Variants in SMARCC1 observed in about 807,000 individuals in gnomAD.
SMARCC1 encodes SWI/SNF related BAF chromatin remodeling complex subunit C1.
In SMARCC1, 43 loss-of-function variants were observed where a neutral mutation model predicts 147.4. The ratio of observed to expected loss-of-function variants is 0.29; its 90% confidence interval spans 0.23 to 0.38. The LOEUF is 0.38. Ranked by LOEUF, SMARCC1 falls within the 10% of genes least tolerant of loss-of-function variation. SMARCC1 has a pLI of 1.00. For missense variants in SMARCC1, 1,119 were observed against 1,381.1 expected, an observed-to-expected ratio of 0.81 and a Z score of 3.01; for synonymous variants, 495 against 484.4, an observed-to-expected ratio of 1.02 and a Z score of -0.29.
intron 21 of SMARCC1, among the ~76,000 whole-genome samples, chr3:47,656,363 T>C (rs1414425744): frequency 6.6e-6 from 1 of 152,216 alleles, no homozygotes; most frequent in Non-Finnish European, 1.5e-5. Context: ...TCTAACATCA[T>C]AAAACAGCAC....
chr3:47,602,820 A>G (rs2032409926), intron 26 of SMARCC1, among the ~76,000 whole-genome samples: 1 of 152,226 alleles, frequency 6.6e-6, no homozygotes, highest in East Asian at 1.9e-4. Flanking sequence ...AAGATCCATG[A>G]GGCAGGAATG....
intron 7 of SMARCC1, 70 bp from the exon 8 acceptor site, chr3:47,714,560 T>G (rs2034132216): frequency 1.3e-6 from 1 of 789,580 alleles, no homozygotes; most frequent in Non-Finnish European, 2.1e-6. Context: ...CTTTTACAAA[T>G]AATAAGAACA....
At chr3:47,630,450 T>C (rs933709630) in intron 24 of SMARCC1, among the ~76,000 whole-genome samples, 3 of 152,226 alleles carry the variant, frequency 2.0e-5, no homozygotes, top group Admixed American at 6.5e-5. Flanking sequence ...ATATGGAACA[T>C]AGGAGAAACA....
intron 21 of SMARCC1, among the ~76,000 whole-genome samples, chr3:47,654,554 C>A (rs1206816102): frequency 6.6e-6 from 1 of 152,204 alleles, no homozygotes; most frequent in Non-Finnish European, 1.5e-5. Context: ...AAAAGCCTAT[C>A]TGAAACTAGA....
At chr3:47,756,364 T>C (rs1041943960) in intron 2 of SMARCC1, among the ~76,000 whole-genome samples, 1 of 150,984 alleles carries the variant, frequency 6.6e-6, no homozygotes, top group Non-Finnish European at 1.5e-5. Flanking sequence ...AGAAACCCCG[T>C]CTCTACTAAA....
At chr3:47,658,934 A>G (rs916885165) in intron 21 of SMARCC1, among the ~76,000 whole-genome samples, 10 of 152,080 alleles carry the variant, frequency 6.6e-5, no homozygotes, top group African/African-American at 2.4e-4. Context: ...CCTGGCCAAC[A>G]CAGTGAAACC....
chr3:47,689,008 G>A (rs1156600176), intron 13 of SMARCC1, among the ~76,000 whole-genome samples: 1 of 151,806 alleles, frequency 6.6e-6, no homozygotes, highest in African/African-American at 2.4e-5. Context: ...CCAGGAGTTC[G>A]CAACCAGCCT....
chr3:47,661,995 CTT>C (rs11336122), intron 20 of SMARCC1, among the ~76,000 whole-genome samples: 178 of 142,384 alleles, frequency 1.3e-3, no homozygotes, highest in Non-Finnish European at 1.1e-3. Context: ...TTTTGTAATA[CTT>C]TTTTTTTTTT....
chr3:47,595,842 C>T (rs927226801), intron 26 of SMARCC1, among the ~76,000 whole-genome samples: 3 of 150,942 alleles, frequency 2.0e-5, no homozygotes, highest in African/African-American at 4.9e-5. Context: ...TCAGGTGAGT[C>T]TCCTGCCTCA....
intron 6 of SMARCC1, 21 bp from the exon 7 acceptor site, chr3:47,720,756 ACT>A: frequency 1.3e-6 from 2 of 1,538,250 alleles, no homozygotes; most frequent in South Asian, 2.3e-5. Flanking sequence ...AAAAGAAACA[ACT>A]TTACTCAAAC....
intron 2 of SMARCC1, among the ~76,000 whole-genome samples, chr3:47,763,574 C>T (rs1420229253): frequency 6.6e-6 from 1 of 151,816 alleles, no homozygotes; most frequent in African/African-American, 2.4e-5. Flanking sequence ...CTCAGAGGAC[C>T]CACTCACCTA....
At chr3:47,651,442 A>C (rs1463936127) in intron 21 of SMARCC1, among the ~76,000 whole-genome samples, 1 of 152,170 alleles carries the variant, frequency 6.6e-6, no homozygotes, top group Non-Finnish European at 1.5e-5. Context: ...CTCCCCCACC[A>C]ATCGAGCTAT....
At chr3:47,692,359 T>C (rs2033800582) in intron 12 of SMARCC1, among the ~76,000 whole-genome samples, 1 of 152,238 alleles carries the variant, frequency 6.6e-6, no homozygotes, top group African/African-American at 2.4e-5. Flanking sequence ...AAGGATGATG[T>C]CATTCTCATT....
chr3:47,765,187 G>A (rs892865444), intron 2 of SMARCC1, among the ~76,000 whole-genome samples: 3 of 151,998 alleles, frequency 2.0e-5, no homozygotes, highest in African/African-American at 7.2e-5. Context: ...GGAGGCAGAG[G>A]TTGCAGTAAG....
intron 21 of SMARCC1, among the ~76,000 whole-genome samples, chr3:47,659,760 A>G (rs868727879): frequency 2.6e-3 from 123 of 47,762 alleles, no homozygotes; most frequent in Middle Eastern, 0.016. Context: ...GAAAAAAAAA[A>G]GGGGGGGGGG....
At chr3:47,746,132 C>CTGAGGA (rs1322223666) in intron 2 of SMARCC1, 139 bp from the exon 3 acceptor site, 1 of 554,132 alleles carries the variant, frequency 1.8e-6, no homozygotes, top group Non-Finnish European at 3.1e-6. Context: ...CTTGAATAAA[C>CTGAGGA]TGAGGAATCA....
At chr3:47,772,609 G>A (rs1226124013) in intron 2 of SMARCC1, among the ~76,000 whole-genome samples, 1 of 152,068 alleles carries the variant, frequency 6.6e-6, no homozygotes, top group East Asian at 1.9e-4. Flanking sequence ...AATGACTGCT[G>A]CAATATTTAA....
At chr3:47,751,300 T>C (rs1481353004) in intron 2 of SMARCC1, among the ~76,000 whole-genome samples, 1 of 151,998 alleles carries the variant, frequency 6.6e-6, no homozygotes. Context: ...CCCAACACTT[T>C]GGAAGGCCAA....
At chr3:47,709,353 T>C (rs184936345) in intron 9 of SMARCC1, among the ~76,000 whole-genome samples, 1 of 152,234 alleles carries the variant, frequency 6.6e-6, no homozygotes, top group Non-Finnish European at 1.5e-5. Context: ...ACTCTGCATG[T>C]CAGTGGTTCA....
Sources: allele counts gnomAD v4.1 joint callset (sites outside exome capture counted in the v4.1 genomes callset), GRCh38; gene constraint gnomAD v4.1.1; transcripts MANE v1.5; gene names NCBI Gene and HGNC (gene_info 2026-07-23, HGNC 2026-07-21).